BMAL2: variants seen among roughly 807,000 people sequenced by gnomAD.
BMAL2 encodes the protein basic helix-loop-helix ARNT-like protein 2.
chr12:27,377,911 T>C, the BMAL2 span, among the ~76,000 whole-genome samples: 2,989 of 152,248 alleles, frequency 0.02, 118 homozygotes, highest in African/African-American at 0.068. Flanking sequence ...GCAGGGGGTG[T>C]GGTAGCTCCC....
At chr12:27,336,782 C>A in the BMAL2 span, among the ~76,000 whole-genome samples, 6 of 151,960 alleles carry the variant, frequency 3.9e-5, no homozygotes, top group East Asian at 7.7e-4. Context: ...GAAACCCTGT[C>A]TCTACTAAAA....
At chr12:27,414,309 GAC>G in the BMAL2 span, among the ~76,000 whole-genome samples, 1 of 152,166 alleles carries the variant, frequency 6.6e-6, no homozygotes, top group Non-Finnish European at 1.5e-5. Flanking sequence ...CAGTGGACTT[GAC>G]TAAAGACGTG....
At chr12:27,361,030 A>G in the BMAL2 span, among the ~76,000 whole-genome samples, 1 of 152,322 alleles carries the variant, frequency 6.6e-6, no homozygotes, top group South Asian at 2.1e-4. Context: ...ATTGGCTACG[A>G]AAGTAGGTAA....
chr12:27,392,741 A>G, the BMAL2 span, among the ~76,000 whole-genome samples: 10 of 152,336 alleles, frequency 6.6e-5, no homozygotes, highest in African/African-American at 2.4e-4. Context: ...TGTTTGATGC[A>G]AGTTATAAAT....
At chr12:27,390,436 A>G in the BMAL2 span, 1 of 554,482 alleles carries the variant, frequency 1.8e-6, no homozygotes, top group East Asian at 3.4e-5. Context: ...GTAATTACAT[A>G]TTATCTTTGT....
the BMAL2 span, among the ~76,000 whole-genome samples, chr12:27,419,009 T>C: frequency 6.6e-6 from 1 of 151,910 alleles, no homozygotes; most frequent in African/African-American, 2.4e-5. Flanking sequence ...TTAATGGTTC[T>C]GTCATTAAGA....
At chr12:27,368,982 A>T in the BMAL2 span, among the ~76,000 whole-genome samples, 1 of 152,188 alleles carries the variant, frequency 6.6e-6, no homozygotes, top group Non-Finnish European at 1.5e-5. Context: ...TATGGTGAAA[A>T]CATCAGGGCA....
At chr12:27,358,016 TTA>T in the BMAL2 span, among the ~76,000 whole-genome samples, 2 of 151,622 alleles carry the variant, frequency 1.3e-5, no homozygotes, top group Non-Finnish European at 2.9e-5. Flanking sequence ...ATAAATAAAT[TTA>T]TTTTTTATAT....
chr12:27,380,327 A>AGACTAC, the BMAL2 span: 1 of 1,614,226 alleles, frequency 6.2e-7, no homozygotes, highest in Non-Finnish European at 8.5e-7. Flanking sequence ...ATGATCCCTC[A>AGACTAC]GTGCAACCCC....
chr12:27,382,303 C>G, the BMAL2 span, among the ~76,000 whole-genome samples: 3 of 152,160 alleles, frequency 2.0e-5, no homozygotes, highest in South Asian at 2.1e-4. Context: ...ACTAGTTCAA[C>G]AAAACATGAT....
the BMAL2 span, among the ~76,000 whole-genome samples, chr12:27,367,058 GTTTAA>G: frequency 6.6e-6 from 1 of 152,112 alleles, no homozygotes; most frequent in Admixed American, 6.5e-5. Context: ...TATGATAAAA[GTTTAA>G]TTTATAAATT....
chr12:27,409,829 T>G, the BMAL2 span, among the ~76,000 whole-genome samples: 1 of 151,938 alleles, frequency 6.6e-6, no homozygotes, highest in African/African-American at 2.4e-5. Context: ...GGGAGAAAAT[T>G]TTTGCAATCT....
the BMAL2 span, among the ~76,000 whole-genome samples, chr12:27,345,905 T>A: frequency 9.2e-5 from 14 of 152,336 alleles, no homozygotes; most frequent in Non-Finnish European, 1.5e-4. Flanking sequence ...TTTAGTAATT[T>A]TTATCTTTAA....
the BMAL2 span, among the ~76,000 whole-genome samples, chr12:27,340,890 C>T: frequency 6.6e-6 from 1 of 152,060 alleles, no homozygotes; most frequent in African/African-American, 2.4e-5. Flanking sequence ...GACTGCATGC[C>T]TGATTTGGCT....
At chr12:27,347,791 T>A in the BMAL2 span, among the ~76,000 whole-genome samples, 2 of 152,184 alleles carry the variant, frequency 1.3e-5, no homozygotes, top group Non-Finnish European at 2.9e-5. Flanking sequence ...CCAACCTTAG[T>A]ATGTACTGTG....
the BMAL2 span, among the ~76,000 whole-genome samples, chr12:27,386,779 A>G: frequency 2.0e-5 from 3 of 152,014 alleles, no homozygotes; most frequent in East Asian, 3.9e-4. Context: ...AGAGGCGTGC[A>G]CCACCATGCC....
the BMAL2 span, among the ~76,000 whole-genome samples, chr12:27,395,095 C>T: frequency 1.3e-5 from 2 of 152,308 alleles, no homozygotes; most frequent in East Asian, 3.9e-4. Flanking sequence ...TTTTCTATAC[C>T]GTAGTTCTCA....
the BMAL2 span, among the ~76,000 whole-genome samples, chr12:27,384,994 A>G: frequency 6.6e-6 from 1 of 152,220 alleles, no homozygotes; most frequent in East Asian, 1.9e-4. Context: ...TAAAAGAAAG[A>G]AATTTTAATC....
At chr12:27,409,841 C>G in the BMAL2 span, among the ~76,000 whole-genome samples, 2 of 152,152 alleles carry the variant, frequency 1.3e-5, no homozygotes, top group African/African-American at 4.8e-5. Flanking sequence ...TTGCAATCTA[C>G]TCATCGGACA....
Sources: gnomAD v4.1 joint callset for allele counts (sites outside exome capture counted in the v4.1 genomes callset) on GRCh38, gnomAD v4.1.1 for gene constraint, MANE v1.5 for transcripts, NCBI Gene and HGNC (gene_info 2026-07-23, HGNC 2026-07-21) for gene names.